The following ATRNL1 variants were observed in gnomAD, a reference collection of about 807,000 sequenced individuals.
The protein encoded by ATRNL1 is attractin-like protein 1.
Under a neutral mutation model 182.7 loss-of-function variants are expected in ATRNL1, and 95 were observed. The observed-to-expected ratio is 0.52, with a 90% confidence interval of 0.44 to 0.62. The LOEUF (loss-of-function observed/expected upper bound fraction) is 0.62. Among genes scored for constraint, ATRNL1 ranks in the 20% least tolerant of loss-of-function variants. The probability of loss-of-function intolerance (pLI) is 0.00; values close to 1 mark genes in which losing one functional copy is unlikely to be tolerated. For synonymous variants in ATRNL1, 576 were observed against 568.3 expected (o/e 1.01, Z -0.19); for missense variants, 1,471 against 1,679.5 (o/e 0.88, Z 2.17).
intron 20 of ATRNL1, among the ~76,000 whole-genome samples, chr10:115,421,213 G>C (rs1302956050): frequency 2.0e-5 from 3 of 152,048 alleles, no homozygotes; most frequent in African/African-American, 7.2e-5. Context: ...GCATTACCCT[G>C]ATAACAAAAC....
At chr10:115,932,423 T>C (rs1156809661) in intron 28 of ATRNL1, among the ~76,000 whole-genome samples, 1 of 152,232 alleles carries the variant, frequency 6.6e-6, no homozygotes, top group Non-Finnish European at 1.5e-5. Flanking sequence ...CCTGTTTTCG[T>C]TAAAATGCCT....
At chr10:115,115,225 G>T (rs1420357048) in intron 1 of ATRNL1, among the ~76,000 whole-genome samples, 1 of 152,032 alleles carries the variant, frequency 6.6e-6, no homozygotes, top group African/African-American at 2.4e-5. Context: ...CAGAAGCTGT[G>T]GGTGGTGGTC....
At chr10:115,632,788 A>T (rs2133834988) in intron 26 of ATRNL1, among the ~76,000 whole-genome samples, 1 of 152,304 alleles carries the variant, frequency 6.6e-6, no homozygotes, top group African/African-American at 2.4e-5. Context: ...GTAAGCCACA[A>T]TACATGAATA....
At chr10:115,190,255 C>T (rs761045197) in intron 8 of ATRNL1, among the ~76,000 whole-genome samples, 1 of 151,946 alleles carries the variant, frequency 6.6e-6, no homozygotes, top group Non-Finnish European at 1.5e-5. Flanking sequence ...AAATTGTATA[C>T]GTTTTTTTTA....
rs1554955078 is a variant in ATRNL1, at chr10:115,394,645, G to C, written c.3176-14G>C. The C allele has an allele frequency of 6.3e-7, 1 of 1,599,452 alleles. No individual in the cohort carries two copies. Among genetic ancestry groups the C allele is most frequent in the Non-Finnish European group, 8.6e-7 (1 of 1,167,578 alleles). On this transcript the variant is annotated splice_polypyrimidine_tract_variant and intron_variant, in intron 19 of 28. Transcript: ENST00000355044. ...ATGTAGAATATTCAATATCATTTTG[G>C]TTTTGACTTACAGCTTGTACATGCA...
In ATRNL1 at chr10:115,302,058, A is replaced by T. The variant is rs1254525099; in HGVS notation, c.2818+15A>T. On this transcript the variant is annotated intron_variant, in intron 17 of 28. Coordinates refer to ENST00000355044, the MANE Select transcript of ATRNL1 (RefSeq NM_207303.4). The stretch of plus-strand genomic sequence containing the variant: ...CACCTGCTCCCGTAAGTATTTATCT[A>T]GAGTGACTTTTCACTTGACAGCAAC... 2.5e-6 allele frequency: 4 copies of T among 1,582,196 alleles called. No homozygotes were observed. In the African/African-American group the frequency reaches 4.1e-5, roughly 16 times the overall value.
At position 115,737,799 on chromosome 10, in the gene ATRNL1, G is replaced by T. The variant is rs551891888; in HGVS notation, c.3903+10444G>T. 2.1e-4 allele frequency among the ~76,000 whole-genome samples: 32 copies of T among 152,252 alleles called. No homozygotes were observed. In the East Asian group the frequency reaches 5.2e-3, roughly 25 times the overall value. On this transcript the variant is annotated intron_variant, in intron 27 of 28. Coordinates refer to ENST00000355044, the MANE Select transcript of ATRNL1 (RefSeq NM_207303.4). ...TTCTTTCTAAGCCTCTTGGGGACCA[G>T]AGAGTCCAGGTATAGTCTTTTAGGA... is the stretch of plus-strand genomic sequence containing the variant.
chr10:115,446,833 G>T (rs939834116), intron 21 of ATRNL1, among the ~76,000 whole-genome samples: 6 of 151,714 alleles, frequency 4.0e-5, no homozygotes, highest in Non-Finnish European at 7.4e-5. Context: ...ATATAAAATT[G>T]GGAAATTAAT....
At chr10:115,207,168 T>A (rs1848830984) in intron 8 of ATRNL1, among the ~76,000 whole-genome samples, 1 of 152,166 alleles carries the variant, frequency 6.6e-6, no homozygotes, top group Non-Finnish European at 1.5e-5. Context: ...TGTGTCTTTA[T>A]AGTAGCATGA....
At chr10:115,626,254 A>G (rs1858093532) in intron 26 of ATRNL1, among the ~76,000 whole-genome samples, 1 of 152,180 alleles carries the variant, frequency 6.6e-6, no homozygotes, top group Non-Finnish European at 1.5e-5. Flanking sequence ...TTCTTTTCCT[A>G]TGTCAGTTGT....
chr10:115,309,868 G>A (rs976353496), intron 17 of ATRNL1, among the ~76,000 whole-genome samples: 3 of 151,924 alleles, frequency 2.0e-5, no homozygotes, highest in African/African-American at 7.3e-5. Context: ...ATTGATCTGG[G>A]TAGGATTTCC....
intron 10 of ATRNL1, among the ~76,000 whole-genome samples, chr10:115,264,006 T>G (rs1851500703): frequency 6.6e-6 from 1 of 151,716 alleles, no homozygotes; most frequent in Non-Finnish European, 1.5e-5. Context: ...CGGGGGAGAT[T>G]TGTGTTTCCT....
At chr10:115,128,930 A>G (rs893596560) in intron 4 of ATRNL1, among the ~76,000 whole-genome samples, 1 of 152,050 alleles carries the variant, frequency 6.6e-6, no homozygotes, top group Non-Finnish European at 1.5e-5. Flanking sequence ...TTATACAACC[A>G]AGTTATATCT....
At position 115,435,024 on chromosome 10, in the gene ATRNL1, T is replaced by C. The variant is rs1376871655; in HGVS notation, c.3322+8722T>C. On this transcript the variant is annotated intron_variant, in intron 21 of 28. Coordinates refer to ENST00000355044, the MANE Select transcript of ATRNL1 (RefSeq NM_207303.4). ...TTGACATTTTAACAGTATTAAAACC[T>C]GGGACTTTTTTTTTTTTTTTTTTTG... Among the ~76,000 whole-genome samples the C allele has an allele frequency of 2.0e-5, 3 of 150,920 alleles. No individual in the cohort carries two copies. The East Asian group carries it at 5.8e-4, about 29-fold the overall frequency.
At chr10:115,408,165 G>A (rs968101855) in intron 20 of ATRNL1, among the ~76,000 whole-genome samples, 5 of 151,052 alleles carry the variant, frequency 3.3e-5, no homozygotes, top group African/African-American at 9.7e-5. Context: ...CACCGCGCCC[G>A]GCTAATTTTT....
chr10:115,582,700 G>C (rs1296394953), intron 26 of ATRNL1, among the ~76,000 whole-genome samples: 6 of 149,350 alleles, frequency 4.0e-5, no homozygotes, highest in African/African-American at 1.5e-4. Context: ...TAGGCTGCCT[G>C]TTCACTCTGA....
chr10:115,093,633 G>A lies in ATRNL1; in HGVS notation c.-118G>A, dbSNP rs1564728649. The stretch of plus-strand genomic sequence containing the variant: ...ACCGGGGAGCGGGACTCGGACGGGC[G>A]CCGGTGAGGAGGAGGAGAAGCGGCG... On this transcript the variant is annotated 5_prime_UTR_variant, in exon 1 of 29. Coordinates refer to ENST00000355044, the MANE Select transcript of ATRNL1 (RefSeq NM_207303.4). The surrounding 1 kb of genome is among the most constrained non-coding windows in gnomAD (Gnocchi z 6.1). 1 of 1,176,404 alleles carries A rather than the reference G, an allele frequency of 8.5e-7. No individual in the cohort carries two copies. Among genetic ancestry groups the A allele is most frequent in the Non-Finnish European group, 1.2e-6 (1 of 831,476 alleles). The allele number at this position is 1,176,404 out of a possible 1,614,324, so 72.9% of individuals were successfully genotyped here. A position where few individuals can be genotyped will look rare whatever the true frequency, so the allele number is the denominator to read the frequency against.
At chr10:115,850,112 G>A (rs1555100082) in intron 28 of ATRNL1, among the ~76,000 whole-genome samples, 1 of 152,100 alleles carries the variant, frequency 6.6e-6, no homozygotes, top group East Asian at 1.9e-4. Flanking sequence ...TTAAATTGCA[G>A]CATTATCTGT....
intron 24 of ATRNL1, among the ~76,000 whole-genome samples, chr10:115,509,040 C>T (rs952919284): frequency 6.6e-6 from 1 of 151,962 alleles, no homozygotes; most frequent in African/African-American, 2.4e-5. Flanking sequence ...TGAGCCAGTG[C>T]TCATTTACCC....
Sources: gnomAD v4.1 joint callset for allele counts (sites outside exome capture counted in the v4.1 genomes callset) on GRCh38, gnomAD v4.1.1 for gene constraint, Gnocchi (gnomAD v3.1) non-coding constraint, MANE v1.5 for transcripts, NCBI Gene and HGNC (gene_info 2026-07-23, HGNC 2026-07-21) for gene names.